The following TNR variants were observed in gnomAD, a reference collection of about 807,000 sequenced individuals.
TNR encodes tenascin R.
In TNR, 45 loss-of-function variants were observed where a neutral mutation model predicts 150.4. The observed-to-expected ratio is 0.30, with a 90% CI of 0.24 to 0.38. The LOEUF is 0.38. Among genes scored for constraint, TNR ranks in the 10% least tolerant of loss-of-function variants. The pLI is 1.00. For missense variants in TNR, 1,544 were observed against 1,759.1 expected, an observed-to-expected ratio of 0.88 and a Z score of 2.19; for synonymous variants, 687 against 678.4, an observed-to-expected ratio of 1.01 and a Z score of -0.20.
At chr1:175,334,579 C>T (rs563230981) in intron 20 of TNR, among the ~76,000 whole-genome samples, 11 of 152,324 alleles carry the variant, frequency 7.2e-5, no homozygotes, top group South Asian at 2.1e-4. Flanking sequence ...ATTCAGGCAA[C>T]GAAGTGACCC....
intron 9 of TNR, among the ~76,000 whole-genome samples, chr1:175,376,922 AT>A (rs1652420375): frequency 6.6e-6 from 1 of 151,050 alleles, no homozygotes; most frequent in African/African-American, 2.4e-5. Flanking sequence ...GTAACAAAAA[AT>A]CAACCTATTT....
chr1:175,327,433 G>GC (rs1649464082), intron 21 of TNR, among the ~76,000 whole-genome samples: 1 of 152,132 alleles, frequency 6.6e-6, no homozygotes, highest in African/African-American at 2.4e-5. Flanking sequence ...GCCATCAGCC[G>GC]CTCTATGTTC....
At chr1:175,547,716 AG>A (rs1300503857) in intron 1 of TNR, among the ~76,000 whole-genome samples, 1 of 152,210 alleles carries the variant, frequency 6.6e-6, no homozygotes, top group Non-Finnish European at 1.5e-5. Context: ...AAGAAAGAAA[AG>A]GGTGCTCTAG....
Position 175,322,092 on chromosome 1 carries a change from T to C in TNR, c.*1265A>G, listed in dbSNP as rs1333104390. ...AACAGGGCTAGGGAAGATCTGTGTT[T>C]CCCATGGAAACTATAATCTCTATGG... On this transcript the variant is annotated 3_prime_UTR_variant, in exon 23 of 23. Coordinates refer to ENST00000367674, the MANE Select transcript of TNR (RefSeq NM_003285.3). 6.6e-6 allele frequency: 1 copy of C among 152,230 alleles called. No individual in the cohort carries two copies. The highest frequency in any genetic ancestry group is 1.5e-5 in the Non-Finnish European group (1 of 68,026). 9.4% of individuals were successfully genotyped at this position (152,230 alleles called of 1,614,324 possible).
chr1:175,434,113 G>A (rs1282906728), intron 2 of TNR, among the ~76,000 whole-genome samples: 1 of 152,204 alleles, frequency 6.6e-6, no homozygotes, highest in Non-Finnish European at 1.5e-5. Flanking sequence ...AGCTCTGGAT[G>A]CGGCCAGATT....
At chr1:175,678,439 C>T (rs558068738) in intron 1 of TNR, among the ~76,000 whole-genome samples, 5 of 152,310 alleles carry the variant, frequency 3.3e-5, no homozygotes, top group Admixed American at 3.3e-4. Context: ...TCATGCCCTC[C>T]CAGTCACATG....
At chr1:175,601,585 G>A (rs1303295295) in intron 1 of TNR, among the ~76,000 whole-genome samples, 5 of 152,132 alleles carry the variant, frequency 3.3e-5, no homozygotes, top group African/African-American at 7.2e-5. Context: ...TATTTATGGA[G>A]ATAAAATGTT....
intron 1 of TNR, among the ~76,000 whole-genome samples, chr1:175,672,076 T>C (rs1330831684): frequency 6.6e-6 from 1 of 152,224 alleles, no homozygotes; most frequent in Admixed American, 6.5e-5. Flanking sequence ...TAGATTCAAA[T>C]TGCTGCTCCA....
intron 1 of TNR, among the ~76,000 whole-genome samples, chr1:175,639,067 C>A (rs182516006): frequency 9.9e-5 from 15 of 152,170 alleles, no homozygotes; most frequent in Non-Finnish European, 1.8e-4. Context: ...TTCTATGGCA[C>A]GCACCCTGCT....
intron 1 of TNR, among the ~76,000 whole-genome samples, chr1:175,632,405 G>A (rs1571695810): frequency 6.6e-6 from 1 of 152,086 alleles, no homozygotes; most frequent in East Asian, 1.9e-4. Flanking sequence ...TGATCATTGA[G>A]GTCACCCTTG....
intron 21 of TNR, 134 bp from the exon 22 acceptor site, chr1:175,324,653 G>A (rs1032510727): frequency 3.6e-5 from 38 of 1,068,498 alleles, no homozygotes; most frequent in Middle Eastern, 2.3e-4. Flanking sequence ...GTTTCTCAGA[G>A]TGGCTGTGCT....
rs147049014 is a variant in TNR, at chr1:175,497,174, C to G, written c.-64+31095G>C. On this transcript the variant is annotated intron_variant, in intron 2 of 22. Coordinates refer to ENST00000367674, the MANE Select transcript of TNR (RefSeq NM_003285.3). ...AGGGGAAAAAAATGGTACTTACAAC[C>G]TGATTTTCCAGAACGCATACTTTGC... Among the ~76,000 whole-genome samples the G allele has an allele frequency of 6.6e-5, 10 of 152,296 alleles. No homozygotes were observed. The South Asian group carries it at 2.1e-3, about 32-fold the overall frequency.
intron 1 of TNR, among the ~76,000 whole-genome samples, chr1:175,704,034 T>C (rs1002700227): frequency 6.6e-6 from 1 of 152,250 alleles, no homozygotes; most frequent in Non-Finnish European, 1.5e-5. Flanking sequence ...ATTGTTTATA[T>C]AATTAAAATG....
intron 2 of TNR, among the ~76,000 whole-genome samples, chr1:175,418,204 G>A (rs1200358339): frequency 6.6e-6 from 1 of 152,108 alleles, no homozygotes; most frequent in Non-Finnish European, 1.5e-5. Context: ...GGATAGAGAA[G>A]TCTCAGGCGA....
At chr1:175,629,426 C>T (rs896944604) in intron 1 of TNR, among the ~76,000 whole-genome samples, 1 of 152,164 alleles carries the variant, frequency 6.6e-6, no homozygotes, top group Non-Finnish European at 1.5e-5. Flanking sequence ...ATGTGGAGGG[C>T]AGGCCTGCAG....
chr1:175,742,217 C>A (rs6695373), intron 1 of TNR, among the ~76,000 whole-genome samples: 1 of 151,956 alleles, frequency 6.6e-6, no homozygotes, highest in African/African-American at 2.4e-5. Context: ...CAAAAAGTAG[C>A]AGCAGTGAAG....
chr1:175,577,850 T>C (rs779402299), intron 1 of TNR, among the ~76,000 whole-genome samples: 1 of 152,182 alleles, frequency 6.6e-6, no homozygotes, highest in Non-Finnish European at 1.5e-5. Flanking sequence ...GTTTCACATT[T>C]TTCTGCAGGG....
chr1:175,708,595 C>T (rs576582092), intron 1 of TNR, among the ~76,000 whole-genome samples: 2 of 152,142 alleles, frequency 1.3e-5, no homozygotes, highest in Non-Finnish European at 2.9e-5. Context: ...ATGGAAGGAT[C>T]GTGGAAATAA....
intron 1 of TNR, among the ~76,000 whole-genome samples, chr1:175,640,597 A>C (rs1337816757): frequency 1.3e-5 from 2 of 152,158 alleles, no homozygotes; most frequent in Non-Finnish European, 2.9e-5. Context: ...GGAAGGACCC[A>C]GGGTAAGGTT....
Sources: gnomAD v4.1 joint callset for allele counts (sites outside exome capture counted in the v4.1 genomes callset) on GRCh38, gnomAD v4.1.1 for gene constraint, MANE v1.5 for transcripts, NCBI Gene and HGNC (gene_info 2026-07-23, HGNC 2026-07-21) for gene names.